C8orf76: variants seen among roughly 807,000 people sequenced by gnomAD.
The protein encoded by C8orf76 is uncharacterized protein C8orf76.
In C8orf76, 46 loss-of-function variants were observed where a neutral mutation model predicts 38.1. The observed-to-expected ratio is 1.21, with a 90% confidence interval of 0.95 to 1.54. C8orf76 has a LOEUF of 1.54. C8orf76 is among the 40% of genes most tolerant of loss of function. The pLI, the probability that C8orf76 is intolerant of heterozygous loss-of-function variation, is 0.00. For synonymous variants in C8orf76, 166 were observed against 167.5 expected (o/e 0.99, Z 0.07); for missense variants, 461 against 441.6 (o/e 1.04, Z -0.39).
chr8:123,241,340 A>T lies in C8orf76; in HGVS notation c.7T>A (p.Ser3Thr). 1 of 1,561,506 alleles carries T rather than the reference A, an allele frequency of 6.4e-7. No individual in the cohort carries two copies. Among genetic ancestry groups the T allele is most frequent in the Non-Finnish European group, 8.6e-7 (1 of 1,161,080 alleles). The change falls in exon 1 of 6, where the codon TCC (serine) becomes ACC (threonine). Residue 3 changes from serine (S) to threonine (T), a missense_variant. Physicochemically the swap from Ser to Thr is moderately conservative, Grantham distance 58. Transcript: ENST00000276704. Reference protein sequence around the residue: MDSGCWLFGGEFE... With the variant: MDTGCWLFGGEFE... Reference sequence around the variant, plus strand: ...TCGCCGCCGAACAACCAGCACCCGGAATCCATCTCGCGCCCGCGGCGGGGG... The same window carrying T: ...TCGCCGCCGAACAACCAGCACCCGGTATCCATCTCGCGCCCGCGGCGGGGG...
chr8:123,231,765 G>T lies in C8orf76; in HGVS notation c.358-8C>A. The T allele has an allele frequency of 7.2e-7, 1 of 1,392,156 alleles. No homozygotes were observed. The highest frequency in any genetic ancestry group is 1.4e-5 in the South Asian group (1 of 69,048). 86.2% of individuals were successfully genotyped at this position (1,392,156 alleles called of 1,614,324 possible). A position where few individuals can be genotyped will look rare whatever the true frequency, so the allele number is the denominator to read the frequency against. On this transcript the variant is annotated splice_region_variant and splice_polypyrimidine_tract_variant and intron_variant, in intron 3 of 5. Coordinates refer to ENST00000276704, the MANE Select transcript of C8orf76 (RefSeq NM_032847.3). Reference sequence around the variant, plus strand: ...GTTGGTTGCTTTATTTTCCTAAGGAGAAAAAAAAAAGGTTAAGAAGTTTAA... The same window carrying T: ...GTTGGTTGCTTTATTTTCCTAAGGATAAAAAAAAAAGGTTAAGAAGTTTAA...
intron 4 of C8orf76, 25 bp from the exon 5 acceptor site, chr8:123,226,657 C>A (rs776649170): frequency 6.4e-7 from 1 of 1,574,754 alleles, no homozygotes; most frequent in South Asian, 1.2e-5. Flanking sequence ...AGTCTCAATG[C>A]GTGGCGAAAA....
Position 123,231,542 on chromosome 8 carries a change from C to T in C8orf76, c.573G>A (p.Gln191=). 6.2e-7 allele frequency: 1 copy of T among 1,614,206 alleles called. No homozygotes were observed. The highest frequency in any genetic ancestry group is 8.5e-7 in the Non-Finnish European group (1 of 1,180,054). Residue 191 remains glutamine (Q), a synonymous_variant, in exon 4 of 6, where the codon CAG becomes CAA. Coordinates refer to ENST00000276704, the MANE Select transcript of C8orf76 (RefSeq NM_032847.3). ...TTTTGTCACTTGAGGTGAAACTGTG[C>T]TGTTTCTGAGATGACGCAAGTGCTG... ...LSAALASSQK[Q]HSFTSSDKTI...
At chr8:123,221,104 A>C (rs1459868330) in intron 5 of C8orf76, among the ~76,000 whole-genome samples, 1 of 152,214 alleles carries the variant, frequency 6.6e-6, no homozygotes, top group Non-Finnish European at 1.5e-5. Context: ...ATGAAAACTC[A>C]AATTATAATG....
chr8:123,226,109 C>G (rs887161251), intron 5 of C8orf76: 7 of 1,016,712 alleles, frequency 6.9e-6, no homozygotes, highest in Non-Finnish European at 8.2e-6. Context: ...CACAAGTTCT[C>G]TGAGCCTCAA....
intron 5 of C8orf76, among the ~76,000 whole-genome samples, chr8:123,224,192 A>G (rs890005493): frequency 6.6e-6 from 1 of 152,232 alleles, no homozygotes; most frequent in African/African-American, 2.4e-5. Flanking sequence ...AGGGCCACAT[A>G]TAGTATTTAG....
chr8:123,226,728 A>G, intron 4 of C8orf76, 96 bp from the exon 5 acceptor site: 1 of 1,475,382 alleles, frequency 6.8e-7, no homozygotes. Context: ...CCAGGTATTG[A>G]GTCGGCTGCA....
rs1046472754 is a variant in C8orf76, at chr8:123,241,293, C to G, written c.54G>C (p.Glu18Asp). 1 of 1,578,052 alleles carries G rather than the reference C, an allele frequency of 6.3e-7. No individual in the cohort carries two copies. The highest frequency in any genetic ancestry group is 1.4e-5 in the African/African-American group (1 of 71,108). Reference protein sequence around the residue: ...FGGEFEDSVFEERPERRSGPP... With the variant: ...FGGEFEDSVFDERPERRSGPP... Reference sequence around the variant, plus strand: ...GTCCTGACCGCCGCTCCGGCCTCTCCTCGAACACCGAGTCCTCGAACTCGC... The same window carrying G: ...GTCCTGACCGCCGCTCCGGCCTCTCGTCGAACACCGAGTCCTCGAACTCGC... The change falls in exon 1 of 6, where the codon GAG (glutamate) becomes GAC (aspartate). Residue 18 changes from glutamate to aspartate, a missense_variant. Coordinates refer to ENST00000276704, the MANE Select transcript of C8orf76 (RefSeq NM_032847.3).
chr8:123,226,461 T>C (rs375161190), intron 5 of C8orf76, 39 bp downstream of exon 5: 5 of 1,602,734 alleles, frequency 3.1e-6, no homozygotes, highest in Non-Finnish European at 4.2e-6. Flanking sequence ...AAAATATCTA[T>C]GATGCTTCGT....
intron 3 of C8orf76, among the ~76,000 whole-genome samples, chr8:123,232,237 C>T (rs980475097): frequency 2.6e-5 from 4 of 152,186 alleles, no homozygotes; most frequent in Non-Finnish European, 2.9e-5. Context: ...TTGGCTTAGA[C>T]ATTTTAAACA....
chr8:123,238,831 C>A (rs1013268935), intron 2 of C8orf76: 2 of 487,446 alleles, frequency 4.1e-6, no homozygotes, highest in East Asian at 7.2e-5. Flanking sequence ...GGACAAGGAC[C>A]CCAAAGAGAT....
chr8:123,232,772 T>C (rs1375323807), intron 3 of C8orf76, among the ~76,000 whole-genome samples: 1 of 152,240 alleles, frequency 6.6e-6, no homozygotes, highest in African/African-American at 2.4e-5. Context: ...CATCTCGTTT[T>C]ATTGTTACTA....
rs764739717 is a variant in C8orf76, at chr8:123,220,198, A to C, written c.1048T>G (p.Ser350Ala). 1 of 1,614,052 alleles carries C rather than the reference A, an allele frequency of 6.2e-7. No individual in the cohort carries two copies. The highest frequency in any genetic ancestry group is 8.5e-7 in the Non-Finnish European group (1 of 1,179,940). The change falls in exon 6 of 6, where the codon TCA (serine) becomes GCA (alanine). Residue 350 changes from serine (S) to alanine (A), a missense_variant. Transcript: ENST00000276704. The stretch of plus-strand genomic sequence containing the variant: ...AACCACTTGTCTTCAAATTCTTCTG[A>C]GGATACAGTCACCAAGGCAGTCAGG... ...VALTALVTVS[S>A]EEFEDKWFRK...
chr8:123,233,801 G>A (rs1360709623), intron 3 of C8orf76, among the ~76,000 whole-genome samples: 1 of 151,944 alleles, frequency 6.6e-6, no homozygotes, highest in Non-Finnish European at 1.5e-5. Context: ...GGCCAAGGCG[G>A]GCGGATCATG....
In C8orf76 at chr8:123,239,234, ACGTC is replaced by A; in HGVS notation, c.118-94_118-91del. ...AATTTCCCATAATATAATTGATTAA[ACGTC>A]AAAAAAAGACTTCTTCAAGAGTCTG... is the stretch of plus-strand genomic sequence containing the variant. On this transcript the variant is annotated intron_variant, in intron 1 of 5. Coordinates refer to ENST00000276704, the MANE Select transcript of C8orf76 (RefSeq NM_032847.3). 5.7e-6 allele frequency: 8 copies of A among 1,404,392 alleles called. No individual in the cohort carries two copies. In the Admixed American group the frequency reaches 9.2e-5, roughly 16 times the overall value. 87.0% of individuals were successfully genotyped at this position (1,404,392 alleles called of 1,614,324 possible).
At chr8:123,227,376 C>T (rs1289380036) in intron 4 of C8orf76, among the ~76,000 whole-genome samples, 1 of 151,798 alleles carries the variant, frequency 6.6e-6, no homozygotes, top group African/African-American at 2.4e-5. Flanking sequence ...CCCAACACTA[C>T]GCTAGGCAAT....
chr8:123,220,155 T>C lies in C8orf76; in HGVS notation c.1091A>G (p.His364Arg), dbSNP rs1824862204. ...EDKWFRKIKD[H>R]FCPFENQFHT... Reference sequence around the variant, plus strand: ...GAACTGATTTTCAAATGGACAGAAATGGTCTTTGATCTTTCTGAACCACTT... The same window carrying C: ...GAACTGATTTTCAAATGGACAGAAACGGTCTTTGATCTTTCTGAACCACTT... Residue 364 changes from histidine (H) to arginine (R), a missense_variant, in exon 6 of 6, where the codon CAT becomes CGT. His to Arg is a conservative substitution (Grantham distance 29). Coordinates refer to ENST00000276704, the MANE Select transcript of C8orf76 (RefSeq NM_032847.3). 6.2e-7 allele frequency: 1 copy of C among 1,613,636 alleles called. No homozygotes were observed. The highest frequency in any genetic ancestry group is 8.5e-7 in the Non-Finnish European group (1 of 1,179,868).
Position 123,220,123 on chromosome 8 carries a change from C to A in C8orf76, c.1123G>T (p.Glu375Ter), listed in dbSNP as rs980902405. The change falls in exon 6 of 6, where the codon GAG (glutamate) becomes TAG (stop). Residue 375 changes from glutamate to a stop codon, truncating the protein, a stop_gained. Coordinates refer to ENST00000276704, the MANE Select transcript of C8orf76 (RefSeq NM_032847.3). LOFTEE classifies it high-confidence loss of function. ...FCPFENQFHT[E>*]IQILA is the part of the protein sequence containing the mutation. ...ACCCACTAAGCCAAGATTTGTATCT[C>A]TGTATGGAACTGATTTTCAAATGGA... 6.2e-7 allele frequency: 1 copy of A among 1,607,504 alleles called. No individual in the cohort carries two copies. The highest frequency in any genetic ancestry group is 2.2e-5 in the East Asian group (1 of 44,834).
chr8:123,231,278 G>T, intron 4 of C8orf76, 22 bp downstream of exon 4: 1 of 1,585,096 alleles, frequency 6.3e-7, no homozygotes. Flanking sequence ...ACCAAGCGTT[G>T]CTTAAGTGAC....
Sources: gnomAD v4.1 joint callset for allele counts (sites outside exome capture counted in the v4.1 genomes callset) on GRCh38, gnomAD v4.1.1 for gene constraint, MANE v1.5 for transcripts, NCBI Gene and HGNC (gene_info 2026-07-23, HGNC 2026-07-21) for gene names.